PRKD3: variants seen among roughly 807,000 people sequenced by gnomAD.
PRKD3 encodes serine/threonine-protein kinase D3.
A neutral mutation model predicts 99.2 loss-of-function variants in PRKD3; 47 were observed. The ratio of observed to expected loss-of-function variants is 0.47; its 90% confidence interval spans 0.38 to 0.60. PRKD3 has a LOEUF of 0.60. Ranked by LOEUF, PRKD3 falls within the 20% of genes least tolerant of loss-of-function variation. The pLI is 0.00. For missense variants in PRKD3, 1,019 were observed against 1,088.4 expected, an observed-to-expected ratio of 0.94 and a Z score of 0.90; for synonymous variants, 392 against 355.4, an observed-to-expected ratio of 1.10 and a Z score of -1.16.
At chr2:37,324,337 C>A (rs1672020550) in intron 1 of PRKD3, 1 of 510,476 alleles carries the variant, frequency 2.0e-6, no homozygotes, top group Non-Finnish European at 2.5e-6. Context: ...ATGGGCCGGG[C>A]GCGGTGGTCT....
chr2:37,313,709 C>T (rs1303971162), intron 2 of PRKD3, among the ~76,000 whole-genome samples: 3 of 152,174 alleles, frequency 2.0e-5, no homozygotes, highest in Non-Finnish European at 4.4e-5. Context: ...TAGTCCCTCA[C>T]TTAAGACAGT....
chr2:37,319,436 T>A (rs1558585988), intron 1 of PRKD3, among the ~76,000 whole-genome samples: 1 of 152,118 alleles, frequency 6.6e-6, no homozygotes, highest in Non-Finnish European at 1.5e-5. Flanking sequence ...AATCCTCAGG[T>A]TGAAGAAATC....
chr2:37,313,826 G>C (rs1671548491), intron 2 of PRKD3, among the ~76,000 whole-genome samples: 1 of 152,144 alleles, frequency 6.6e-6, no homozygotes, highest in African/African-American at 2.4e-5. Context: ...ACTCACAGCA[G>C]ATTGAAAATA....
At chr2:37,276,396 G>T (rs78906860) in intron 9 of PRKD3, among the ~76,000 whole-genome samples, 1 of 152,082 alleles carries the variant, frequency 6.6e-6, no homozygotes, top group Non-Finnish European at 1.5e-5. Flanking sequence ...TTCAGTGAAA[G>T]GTTAAAGTGA....
At chr2:37,310,344 G>A (rs1671367682) in intron 2 of PRKD3, among the ~76,000 whole-genome samples, 1 of 152,088 alleles carries the variant, frequency 6.6e-6, no homozygotes, top group Non-Finnish European at 1.5e-5. Flanking sequence ...TAAGTATTGG[G>A]CTAAGCATTT....
At position 37,274,454 on chromosome 2, in the gene PRKD3, C is replaced by T. The variant is rs1669459238; in HGVS notation, c.1618G>A (p.Val540Ile). The stretch of plus-strand genomic sequence containing the variant: ...TTCCCTTGCCCTGGAGAAGTGCAAA[C>T]ACTTGCTTGAGGAGTAACAGGCATG... ...ALMPVTPQAS[V>I]CTSPGQGKDH... Residue 540 changes from valine (V) to isoleucine (I), a missense_variant, in exon 11 of 19, where the codon GTT becomes ATT. Transcript: ENST00000234179. 2 of 1,613,986 alleles carry T rather than the reference C, an allele frequency of 1.2e-6. No individual in the cohort carries two copies. The highest frequency in any genetic ancestry group is 1.7e-6 in the Non-Finnish European group (2 of 1,179,964).
chr2:37,314,470 T>C (rs1026672900), intron 2 of PRKD3, among the ~76,000 whole-genome samples: 2 of 152,208 alleles, frequency 1.3e-5, no homozygotes, highest in Non-Finnish European at 2.9e-5. Context: ...CTCACATTTA[T>C]ATTAATGAAG....
intron 14 of PRKD3, among the ~76,000 whole-genome samples, chr2:37,262,626 A>G (rs550881473): frequency 6.6e-6 from 1 of 152,318 alleles, no homozygotes; most frequent in Admixed American, 6.5e-5. Flanking sequence ...TTTTATCAAC[A>G]GAGGTTGAAA....
rs372140759 is a variant in PRKD3 at position 37,288,827 on chromosome 2, G to A, written c.717+529C>T. Among the ~76,000 whole-genome samples the A allele has an allele frequency of 1.3e-4, 20 of 152,144 alleles. No individual in the cohort carries two copies. In the South Asian group the frequency reaches 3.5e-3, roughly 27 times the overall value. Reference sequence around the variant, plus strand: ...TCCCAGAACTTTGGGAGGCCGAGGCGGGCAGATCACGAGGTCAGGAATTCA... The same window carrying A: ...TCCCAGAACTTTGGGAGGCCGAGGCAGGCAGATCACGAGGTCAGGAATTCA... On this transcript the variant is annotated intron_variant, in intron 5 of 18. Transcript: ENST00000234179.
chr2:37,282,309 C>T (rs1004173604), intron 7 of PRKD3: 2 of 486,274 alleles, frequency 4.1e-6, no homozygotes, highest in South Asian at 3.3e-5. Context: ...TATGGAGTAC[C>T]ACTGGCTATA....
At chr2:37,289,696 T>TAAAA (rs1558559328) in intron 4 of PRKD3, among the ~76,000 whole-genome samples, 183 bp from the exon 5 acceptor site, 1 of 152,076 alleles carries the variant, frequency 6.6e-6, no homozygotes, top group African/African-American at 2.4e-5. Flanking sequence ...AGGAAATGTG[T>TAAAA]AAAAAGGATA....
chr2:37,253,469 C>G, intron 18 of PRKD3, 119 bp from the exon 19 acceptor site: 1 of 780,476 alleles, frequency 1.3e-6, no homozygotes, highest in Non-Finnish European at 2.0e-6. Context: ...TTGACAGGCG[C>G]TACTCATAAG....
At chr2:37,278,077 A>G in intron 8 of PRKD3, 88 bp from the exon 9 acceptor site, 1 of 1,162,462 alleles carries the variant, frequency 8.6e-7, no homozygotes, top group Non-Finnish European at 1.2e-6. Context: ...TTTAAAGACA[A>G]CTGAGCTAAA....
chr2:37,317,117 G>A lies in PRKD3; in HGVS notation c.-593C>T. Reference sequence around the variant, plus strand: ...TACAAAGCTTTTTAAAATAGTACAGGCATATTTCATTAGATGAATGGGTCC... The same window carrying A: ...TACAAAGCTTTTTAAAATAGTACAGACATATTTCATTAGATGAATGGGTCC... On this transcript the variant is annotated 5_prime_UTR_variant, in exon 2 of 19. Coordinates refer to ENST00000234179, the MANE Select transcript of PRKD3 (RefSeq NM_005813.6). The A allele has an allele frequency of 1.0e-6, 1 of 985,158 alleles. No individual in the cohort carries two copies. The highest frequency in any genetic ancestry group is 1.2e-6 in the Non-Finnish European group (1 of 829,830). 61.0% of individuals were successfully genotyped at this position (985,158 alleles called of 1,614,324 possible). A position where few individuals can be genotyped will look rare whatever the true frequency, so the allele number is the denominator to read the frequency against.
intron 14 of PRKD3, among the ~76,000 whole-genome samples, chr2:37,261,146 T>C (rs1668407850): frequency 6.6e-6 from 1 of 152,232 alleles, no homozygotes; most frequent in African/African-American, 2.4e-5. Context: ...ATCTTAAATA[T>C]GTTCTACTGA....
intron 5 of PRKD3, among the ~76,000 whole-genome samples, chr2:37,287,954 C>CCCT (rs936637879): frequency 2.0e-5 from 3 of 152,172 alleles, no homozygotes; most frequent in African/African-American, 7.2e-5. Flanking sequence ...ACCCTGAAAG[C>CCCT]CCTTCCATGC....
intron 7 of PRKD3, 120 bp from the exon 8 acceptor site, chr2:37,280,049 T>G: frequency 1.5e-6 from 1 of 667,840 alleles, no homozygotes; most frequent in Non-Finnish European, 2.3e-6. Flanking sequence ...AAGTAAAGTA[T>G]TTCTCTTTTT....
At chr2:37,322,134 TAA>T (rs1262772477) in intron 1 of PRKD3, among the ~76,000 whole-genome samples, 1 of 152,222 alleles carries the variant, frequency 6.6e-6, no homozygotes, top group African/African-American at 2.4e-5. Flanking sequence ...TTTTACCACG[TAA>T]AAGTATGTGG....
chr2:37,257,810 G>C (rs891966268), intron 16 of PRKD3, among the ~76,000 whole-genome samples: 1 of 152,032 alleles, frequency 6.6e-6, no homozygotes, highest in Non-Finnish European at 1.5e-5. Flanking sequence ...ATTTTAAATG[G>C]GGACACCAGT....
Sources: allele counts gnomAD v4.1 joint callset (sites outside exome capture counted in the v4.1 genomes callset), GRCh38; gene constraint gnomAD v4.1.1; transcripts MANE v1.5; gene names NCBI Gene and HGNC (gene_info 2026-07-23, HGNC 2026-07-21).